SLC8A3: variants seen among roughly 807,000 people sequenced by gnomAD.
The protein encoded by SLC8A3 is sodium/calcium exchanger 3.
In SLC8A3, 37 loss-of-function variants were observed where a neutral mutation model predicts 65.4. That is an observed-to-expected ratio of 0.57 (90% CI 0.44 to 0.74). SLC8A3 has a LOEUF of 0.74. Ranked by LOEUF, SLC8A3 falls within the 30% of genes least tolerant of loss-of-function variation. The pLI is 0.00. For missense variants in SLC8A3, 1,112 were observed against 1,172.1 expected, an observed-to-expected ratio of 0.95 and a Z score of 0.75; for synonymous variants, 461 against 444.5, an observed-to-expected ratio of 1.04 and a Z score of -0.47.
chr14:70,085,188 A>G (rs1891340971), intron 2 of SLC8A3, among the ~76,000 whole-genome samples: 1 of 152,130 alleles, frequency 6.6e-6, no homozygotes, highest in Non-Finnish European at 1.5e-5. Flanking sequence ...TAGATTCTCT[A>G]TCTGTGGAAA....
At chr14:70,161,394 C>T (rs959262398) in intron 2 of SLC8A3, among the ~76,000 whole-genome samples, 4 of 151,066 alleles carry the variant, frequency 2.6e-5, no homozygotes, top group African/African-American at 7.3e-5. Context: ...CTGGAAATGC[C>T]TCACTGTACT....
intron 2 of SLC8A3, among the ~76,000 whole-genome samples, chr14:70,098,025 A>C (rs1347032710): frequency 1.3e-5 from 2 of 152,140 alleles, no homozygotes; most frequent in African/African-American, 4.8e-5. Flanking sequence ...TGGCTGCCCC[A>C]TCAGGTCTGT....
chr14:70,073,102 A>G (rs1594937661), intron 2 of SLC8A3, among the ~76,000 whole-genome samples: 1 of 151,522 alleles, frequency 6.6e-6, no homozygotes, highest in East Asian at 1.9e-4. Context: ...CTCTTCCATA[A>G]TAAAGATTTC....
chr14:70,070,596 C>G (rs1021307051), intron 2 of SLC8A3, among the ~76,000 whole-genome samples: 1 of 152,172 alleles, frequency 6.6e-6, no homozygotes, highest in Non-Finnish European at 1.5e-5. Flanking sequence ...ACAAGTGCTG[C>G]TTCCAAAGGA....
chr14:70,052,602 GTT>G (rs11342273), intron 3 of SLC8A3, among the ~76,000 whole-genome samples: 19 of 152,108 alleles, frequency 1.2e-4, no homozygotes, highest in South Asian at 6.2e-4. Flanking sequence ...ATGTTGAACA[GTT>G]TTTTTGTTTT....
At chr14:70,118,854 T>C (rs1329041178) in intron 2 of SLC8A3, among the ~76,000 whole-genome samples, 4 of 152,068 alleles carry the variant, frequency 2.6e-5, no homozygotes, top group Non-Finnish European at 5.9e-5. Context: ...ACACACACAA[T>C]TGGTTTTCTA....
chr14:70,105,873 A>G (rs1023208035), intron 2 of SLC8A3, among the ~76,000 whole-genome samples: 1 of 152,218 alleles, frequency 6.6e-6, no homozygotes, highest in Admixed American at 6.5e-5. Flanking sequence ...AGAAGCATAC[A>G]AAAAGGATAA....
chr14:70,186,749 C>A (rs1171932081), intron 1 of SLC8A3, among the ~76,000 whole-genome samples: 1 of 152,146 alleles, frequency 6.6e-6, no homozygotes, highest in Non-Finnish European at 1.5e-5. Flanking sequence ...GACCATCAGC[C>A]ATCCTCCTTT....
chr14:70,165,007 C>T (rs1010071270), intron 2 of SLC8A3, among the ~76,000 whole-genome samples: 1 of 152,158 alleles, frequency 6.6e-6, no homozygotes, highest in African/African-American at 2.4e-5. Flanking sequence ...TGTCAATGGC[C>T]ATTTCCCTTC....
At chr14:70,105,117 C>T (rs1028073238) in intron 2 of SLC8A3, among the ~76,000 whole-genome samples, 7 of 152,234 alleles carry the variant, frequency 4.6e-5, no homozygotes, top group Admixed American at 6.5e-5. Context: ...ATCACAAGGT[C>T]AGGAGATCGA....
intron 2 of SLC8A3, among the ~76,000 whole-genome samples, chr14:70,125,545 T>C (rs951048414): frequency 1.3e-5 from 2 of 152,194 alleles, no homozygotes; most frequent in Non-Finnish European, 1.5e-5. Context: ...ATTGTGTGTG[T>C]ATATATACAC....
chr14:70,046,036 G>C lies in SLC8A3; in HGVS notation c.2677C>G (p.Leu893Val). The C allele has an allele frequency of 1.2e-6, 2 of 1,613,888 alleles. No homozygotes were observed. Among genetic ancestry groups the C allele is most frequent in the Middle Eastern group, 1.7e-4 (1 of 6,016 alleles). ...CTCACAAAGAGCCATGTTGTGGCGA[G>C]CTTGCAGCCACGGGGGCCACCAAGC... ...GELGGPRGCK[L>V]ATTWLFVSLW... Residue 893 changes from leucine (L) to valine (V), a missense_variant, in exon 7 of 7, where the codon CTC becomes GTC. Coordinates refer to ENST00000356921, the MANE Select transcript of SLC8A3 (RefSeq NM_182932.3). This position sits in a 1 kb window ranked among gnomAD's most constrained non-coding sequence, Gnocchi z 4.2.
At chr14:70,121,810 C>A (rs1368164990) in intron 2 of SLC8A3, among the ~76,000 whole-genome samples, 1 of 146,114 alleles carries the variant, frequency 6.8e-6, no homozygotes, top group Non-Finnish European at 1.5e-5. Context: ...GCTTTCTTTT[C>A]AAAAATTTTA....
Position 70,128,437 on chromosome 14 carries a change from C to T in SLC8A3, c.1784+38202G>A, listed in dbSNP as rs142745538. Among the ~76,000 whole-genome samples the T allele has an allele frequency of 1.5e-3, 233 of 152,288 alleles. 2 individuals carry two copies. The highest frequency in any genetic ancestry group is 4.7e-4 in the Non-Finnish European group (32 of 68,016). ...ACCCTGTTCTAGCCATATTTTACTA[C>T]TCATTCCTTCCTCAACAGGCCCTGC... On this transcript the variant is annotated intron_variant, in intron 2 of 6. Coordinates refer to ENST00000356921, the MANE Select transcript of SLC8A3 (RefSeq NM_182932.3).
At chr14:70,103,666 G>T (rs1892675248) in intron 2 of SLC8A3, among the ~76,000 whole-genome samples, 1 of 151,660 alleles carries the variant, frequency 6.6e-6, no homozygotes, top group East Asian at 1.9e-4. Context: ...TAGCTATAAA[G>T]CCAATTGAGG....
intron 2 of SLC8A3, among the ~76,000 whole-genome samples, chr14:70,087,919 T>C (rs1265537817): frequency 1.3e-5 from 2 of 152,222 alleles, no homozygotes; most frequent in Non-Finnish European, 2.9e-5. Context: ...TAAATTGGAT[T>C]CTCTGTCCAC....
chr14:70,054,242 G>T (rs1485313260), intron 3 of SLC8A3, among the ~76,000 whole-genome samples: 1 of 150,590 alleles, frequency 6.6e-6, no homozygotes. Flanking sequence ...TTCCTGCAAG[G>T]CGCCTGAGCT....
At chr14:70,159,237 C>T (rs1030018306) in intron 2 of SLC8A3, among the ~76,000 whole-genome samples, 4 of 151,992 alleles carry the variant, frequency 2.6e-5, no homozygotes, top group South Asian at 2.1e-4. Flanking sequence ...GGCAAAACCC[C>T]GTCTCTACTA....
At chr14:70,118,663 T>C (rs373258376) in intron 2 of SLC8A3, among the ~76,000 whole-genome samples, 1 of 152,214 alleles carries the variant, frequency 6.6e-6, no homozygotes, top group South Asian at 2.1e-4. Flanking sequence ...TTCTTAACCA[T>C]CTGTCCAACA....
Sources: allele counts gnomAD v4.1 joint callset (sites outside exome capture counted in the v4.1 genomes callset), GRCh38; gene constraint gnomAD v4.1.1; non-coding constraint Gnocchi (gnomAD v3.1); transcripts MANE v1.5; gene names NCBI Gene and HGNC (gene_info 2026-07-23, HGNC 2026-07-21).